KCNU1: variants seen among roughly 807,000 people sequenced by gnomAD.
KCNU1 encodes potassium calcium-activated channel subfamily U member 1.
A neutral mutation model predicts 126.8 loss-of-function variants in KCNU1; 93 were observed. The ratio of observed to expected loss-of-function variants is 0.73; its 90% confidence interval spans 0.62 to 0.87. The LOEUF (loss-of-function observed/expected upper bound fraction) is 0.87. KCNU1 is among the 40% of genes least tolerant of loss of function. The pLI is 0.00. For synonymous variants in KCNU1, 523 were observed against 494.2 expected, an observed-to-expected ratio of 1.06 and a Z score of -0.77; for missense variants, 1,330 against 1,367.1, an observed-to-expected ratio of 0.97 and a Z score of 0.43.
chr8:36,855,449 C>T (rs989298474), intron 18 of KCNU1, among the ~76,000 whole-genome samples: 4 of 152,104 alleles, frequency 2.6e-5, no homozygotes, highest in African/African-American at 9.7e-5. Context: ...AAAATAATGA[C>T]TCTTCTTTGG....
chr8:36,807,511 T>A, intron 6 of KCNU1, 61 bp downstream of exon 6: 1 of 1,185,738 alleles, frequency 8.4e-7, no homozygotes, highest in Non-Finnish European at 1.3e-6. Context: ...ATGAATGTAT[T>A]AACTGGACCC....
intron 10 of KCNU1, among the ~76,000 whole-genome samples, chr8:36,826,394 G>A (rs1276792210): frequency 1.3e-5 from 2 of 151,904 alleles, no homozygotes; most frequent in East Asian, 3.9e-4. Flanking sequence ...ATTGTTAGTA[G>A]AGATGGGGTT....
intron 2 of KCNU1, among the ~76,000 whole-genome samples, chr8:36,798,208 G>A (rs985484044): frequency 2.0e-5 from 3 of 152,084 alleles, no homozygotes; most frequent in Non-Finnish European, 2.9e-5. Flanking sequence ...TGAGGACTAA[G>A]CTCTGATTAT....
At chr8:36,928,934 C>A in intron 24 of KCNU1, 1 of 679,894 alleles carries the variant, frequency 1.5e-6, no homozygotes, top group Non-Finnish European at 2.7e-6. Context: ...AATCTACACT[C>A]ATTAATATCA....
At chr8:36,833,710 T>G in intron 11 of KCNU1, 51 bp downstream of exon 11, 2 of 1,033,470 alleles carry the variant, frequency 1.9e-6, no homozygotes, top group Non-Finnish European at 3.0e-6. Context: ...TTGCAACAAT[T>G]AAAATAATAG....
At chr8:36,824,671 T>C (rs1804250933) in intron 10 of KCNU1, among the ~76,000 whole-genome samples, 1 of 152,162 alleles carries the variant, frequency 6.6e-6, no homozygotes, top group African/African-American at 2.4e-5. Flanking sequence ...CATTATATCT[T>C]ATTATTTTTT....
intron 8 of KCNU1, 21 bp downstream of exon 8, chr8:36,814,398 A>C (rs1395502079): frequency 2.0e-6 from 3 of 1,517,322 alleles, no homozygotes; most frequent in Non-Finnish European, 2.7e-6. Context: ...TTTTTAATAT[A>C]TTTTGAATAT....
chr8:36,859,474 G>C (rs1013780357), intron 18 of KCNU1, among the ~76,000 whole-genome samples: 1 of 152,116 alleles, frequency 6.6e-6, no homozygotes, highest in African/African-American at 2.4e-5. Context: ...CAGAAGACTT[G>C]AGTTGTGATC....
At chr8:36,890,548 A>T (rs1215540784) in intron 19 of KCNU1, among the ~76,000 whole-genome samples, 3 of 152,046 alleles carry the variant, frequency 2.0e-5, no homozygotes, top group Admixed American at 1.3e-4. Flanking sequence ...ATAAAATGAA[A>T]TCATATAAAA....
intron 14 of KCNU1, among the ~76,000 whole-genome samples, chr8:36,837,603 A>G (rs1473392127): frequency 2.0e-5 from 3 of 152,210 alleles, no homozygotes; most frequent in Non-Finnish European, 4.4e-5. Context: ...TGTTACCACA[A>G]TGCTGTATGC....
intron 22 of KCNU1, among the ~76,000 whole-genome samples, chr8:36,912,743 G>C (rs904869817): frequency 1.3e-5 from 2 of 151,876 alleles, no homozygotes; most frequent in East Asian, 1.9e-4. Context: ...AGGCCGAGGT[G>C]GGGGGATCAC....
chr8:36,914,951 T>G (rs1227524921), intron 22 of KCNU1, among the ~76,000 whole-genome samples: 1 of 152,156 alleles, frequency 6.6e-6, no homozygotes, highest in African/African-American at 2.4e-5. Flanking sequence ...ATTAGTAAAA[T>G]GTACCCAGGC....
At chr8:36,871,799 C>G (rs757987813) in intron 19 of KCNU1, among the ~76,000 whole-genome samples, 1 of 152,144 alleles carries the variant, frequency 6.6e-6, no homozygotes, top group African/African-American at 2.4e-5. Flanking sequence ...GATGACTGAT[C>G]ATTTACTGAG....
chr8:36,792,792 G>A (rs1802950890), intron 2 of KCNU1, among the ~76,000 whole-genome samples: 4 of 152,032 alleles, frequency 2.6e-5, no homozygotes, highest in African/African-American at 9.7e-5. Flanking sequence ...TATTACACGA[G>A]TTAATAAGTG....
At chr8:36,915,699 A>G (rs1294273150) in intron 22 of KCNU1, among the ~76,000 whole-genome samples, 1 of 152,166 alleles carries the variant, frequency 6.6e-6, no homozygotes, top group Non-Finnish European at 1.5e-5. Context: ...TTCTGCCAGG[A>G]TGACTTTTCC....
At chr8:36,787,238 C>T (rs752745506) in intron 1 of KCNU1, 68 bp from the exon 2 acceptor site, 29 of 1,415,632 alleles carry the variant, frequency 2.0e-5, no homozygotes, top group East Asian at 2.7e-5. Flanking sequence ...GCTCCATCAA[C>T]GTAAGTAGAA....
In KCNU1 at chr8:36,922,678, G is replaced by T. The variant is rs780138977; in HGVS notation, c.2736+49G>T. 10 of 1,585,402 alleles carry T rather than the reference G, an allele frequency of 6.3e-6. No individual in the cohort carries two copies. In the Admixed American group the frequency reaches 1.8e-4, roughly 28 times the overall value. ...CCCCCAAAACCAAGCCCTCTGCAGA[G>T]AAGTGAACAGGTAGTATAAGGCTGA... is the stretch of plus-strand genomic sequence containing the variant. On this transcript the variant is annotated intron_variant, in intron 24 of 26. Coordinates refer to ENST00000399881, the MANE Select transcript of KCNU1 (RefSeq NM_001031836.3).
intron 18 of KCNU1, among the ~76,000 whole-genome samples, chr8:36,854,147 C>A (rs536922816): frequency 6.6e-6 from 1 of 152,184 alleles, no homozygotes; most frequent in South Asian, 2.1e-4. Context: ...ACTTGAAGAC[C>A]CTCTGTCTTT....
intron 22 of KCNU1, among the ~76,000 whole-genome samples, 198 bp downstream of exon 22, chr8:36,911,317 T>A (rs1262371456): frequency 6.6e-6 from 1 of 152,184 alleles, no homozygotes; most frequent in Admixed American, 6.5e-5. Flanking sequence ...AAATGGATGA[T>A]GGTGTGCATC....
Sources: allele counts gnomAD v4.1 joint callset (sites outside exome capture counted in the v4.1 genomes callset), GRCh38; gene constraint gnomAD v4.1.1; transcripts MANE v1.5; gene names NCBI Gene and HGNC (gene_info 2026-07-23, HGNC 2026-07-21).